HERC4: variants seen among roughly 807,000 people sequenced by gnomAD.
The protein encoded by HERC4 is HECT and RLD domain containing E3 ubiquitin protein ligase 4.
In HERC4, 28 loss-of-function variants were observed where a neutral mutation model predicts 124.3. That is an observed-to-expected ratio of 0.23 (90% CI 0.17 to 0.31). The LOEUF (loss-of-function observed/expected upper bound fraction) is 0.31, where lower values mean the gene tolerates loss of function less well. Among genes scored for constraint, HERC4 ranks in the 10% least tolerant of loss-of-function variants. The probability of loss-of-function intolerance (pLI) is 1.00; values close to 1 mark genes in which losing one functional copy is unlikely to be tolerated. For missense variants in HERC4, 713 were observed against 1,229.3 expected (o/e 0.58, Z 6.28); for synonymous variants, 407 against 421.5 (o/e 0.97, Z 0.42).
intron 18 of HERC4, 111 bp from the exon 19 acceptor site, chr10:67,954,849 AT>A: frequency 8.3e-7 from 1 of 1,204,028 alleles, no homozygotes; most frequent in South Asian, 2.1e-5. Context: ...ATAGTTTAAA[AT>A]AAATATAATT....
At chr10:67,976,683 A>C (rs933326137) in intron 15 of HERC4, among the ~76,000 whole-genome samples, 1 of 151,750 alleles carries the variant, frequency 6.6e-6, no homozygotes, top group Non-Finnish European at 1.5e-5. Context: ...CACCAACATC[A>C]CCCCTCTCCC....
intron 4 of HERC4, chr10:68,040,117 C>T (rs887469352): frequency 5.2e-6 from 5 of 965,108 alleles, no homozygotes; most frequent in Non-Finnish European, 4.9e-6. Flanking sequence ...AGGATAACTA[C>T]ATTTGTAAGG....
intron 20 of HERC4, 28 bp from the exon 21 acceptor site, chr10:67,939,682 A>G: frequency 7.0e-7 from 1 of 1,422,934 alleles, no homozygotes; most frequent in Non-Finnish European, 9.8e-7. Flanking sequence ...TGTTTCTGAG[A>G]GGAAAAAATT....
intron 4 of HERC4, chr10:68,039,297 T>C (rs190035627): frequency 3.4e-5 from 43 of 1,272,524 alleles, no homozygotes; most frequent in Middle Eastern, 5.1e-4. Context: ...GAATGGGCGA[T>C]AGAGTAAGAC....
intron 8 of HERC4, among the ~76,000 whole-genome samples, chr10:68,016,065 C>T (rs1294820688): frequency 6.6e-6 from 1 of 151,918 alleles, no homozygotes; most frequent in African/African-American, 2.4e-5. Context: ...ATTCTGCCAC[C>T]ACACTCCAGC....
intron 22 of HERC4, among the ~76,000 whole-genome samples, chr10:67,933,437 C>A (rs1010816896): frequency 6.6e-6 from 1 of 152,114 alleles, no homozygotes. Context: ...TGAATTTGAA[C>A]CACAATCTTA....
At chr10:67,944,524 C>T (rs970388752) in intron 19 of HERC4, among the ~76,000 whole-genome samples, 1 of 152,172 alleles carries the variant, frequency 6.6e-6, no homozygotes, top group African/African-American at 2.4e-5. Flanking sequence ...ACAATAAATA[C>T]CTAACTCTTC....
chr10:67,959,405 C>A (rs541768611), intron 16 of HERC4, among the ~76,000 whole-genome samples: 1 of 151,856 alleles, frequency 6.6e-6, no homozygotes, highest in Admixed American at 6.6e-5. Flanking sequence ...CAATTAAACA[C>A]CCCCATTTGC....
intron 16 of HERC4, among the ~76,000 whole-genome samples, chr10:67,961,935 T>A (rs894138442): frequency 6.6e-6 from 1 of 152,088 alleles, no homozygotes; most frequent in Non-Finnish European, 1.5e-5. Flanking sequence ...AAGATGAAAG[T>A]CTTTAGAGAC....
At chr10:68,011,801 C>T (rs1439402045) in intron 9 of HERC4, among the ~76,000 whole-genome samples, 1 of 152,122 alleles carries the variant, frequency 6.6e-6, no homozygotes, top group African/African-American at 2.4e-5. Context: ...TGCATTAGAC[C>T]CTAAAAGAGA....
intron 9 of HERC4, 70 bp from the exon 10 acceptor site, chr10:67,992,752 T>C: frequency 1.3e-6 from 1 of 750,784 alleles, no homozygotes; most frequent in Non-Finnish European, 2.2e-6. Flanking sequence ...AATATGCCAT[T>C]AGATTTTCAC....
At chr10:67,929,535 T>G (rs2031547549) in intron 23 of HERC4, among the ~76,000 whole-genome samples, 1 of 133,968 alleles carries the variant, frequency 7.5e-6, no homozygotes, top group Non-Finnish European at 1.5e-5. Flanking sequence ...CTTTTTTTTC[T>G]TTTTTGAGAC....
At chr10:67,958,431 G>A (rs954891490) in intron 16 of HERC4, among the ~76,000 whole-genome samples, 1 of 152,078 alleles carries the variant, frequency 6.6e-6, no homozygotes, top group African/African-American at 2.4e-5. Flanking sequence ...TTGACAATGA[G>A]GAAGCAAACA....
chr10:67,946,493 G>A (rs2033363685), intron 19 of HERC4, among the ~76,000 whole-genome samples: 1 of 151,546 alleles, frequency 6.6e-6, no homozygotes. Flanking sequence ...CCATGCAAAT[G>A]TTAACTATTT....
At chr10:67,954,345 G>A (rs1385537351) in intron 19 of HERC4, 2 of 317,596 alleles carry the variant, frequency 6.3e-6, no homozygotes, top group Non-Finnish European at 1.1e-5. Context: ...ATCAGCAGAA[G>A]GAATAGTCAA....
At chr10:67,952,581 C>G (rs899445125) in intron 19 of HERC4, among the ~76,000 whole-genome samples, 17 of 150,412 alleles carry the variant, frequency 1.1e-4, no homozygotes, top group Non-Finnish European at 1.8e-4. Context: ...CAAAAAAATA[C>G]TTATTTTAAA....
intron 4 of HERC4, among the ~76,000 whole-genome samples, 165 bp downstream of exon 4, chr10:68,044,239 G>C (rs2039910525): frequency 6.6e-6 from 1 of 151,992 alleles, no homozygotes; most frequent in African/African-American, 2.4e-5. Flanking sequence ...TCAATCAATA[G>C]CTCAATCAAC....
intron 9 of HERC4, among the ~76,000 whole-genome samples, chr10:67,995,787 C>T (rs563739758): frequency 2.0e-5 from 3 of 152,208 alleles, no homozygotes; most frequent in African/African-American, 7.2e-5. Flanking sequence ...ATCTTCTTGT[C>T]TTAAGAAGTA....
intron 18 of HERC4, 66 bp downstream of exon 18, chr10:67,954,897 T>C (rs2034041115): frequency 2.1e-6 from 3 of 1,446,834 alleles, no homozygotes; most frequent in East Asian, 2.5e-5. Flanking sequence ...TAAAAACAAA[T>C]AGGAAAATTT....
Sources: gnomAD v4.1 joint callset for allele counts (sites outside exome capture counted in the v4.1 genomes callset) on GRCh38, gnomAD v4.1.1 for gene constraint, MANE v1.5 for transcripts, NCBI Gene and HGNC (gene_info 2026-07-23, HGNC 2026-07-21) for gene names.